The following XKR6 variants were observed in gnomAD, a reference collection of about 807,000 sequenced individuals.
XKR6 encodes the protein XK related 6.
XKR6 carries 22 observed loss-of-function variants against 56.7 expected under a neutral mutation model. The observed-to-expected ratio is 0.39, with a 90% CI of 0.28 to 0.55. The LOEUF (loss-of-function observed/expected upper bound fraction) is 0.55. Ranked by LOEUF, XKR6 falls within the 20% of genes least tolerant of loss-of-function variation. The probability of loss-of-function intolerance (pLI) is 0.66; values close to 1 mark genes in which losing one functional copy is unlikely to be tolerated. For synonymous variants in XKR6, 524 were observed against 387.8 expected (o/e 1.35, Z -4.13); for missense variants, 852 against 889.0 (o/e 0.96, Z 0.53).
chr8:10,927,550 G>A (rs1800927683), intron 1 of XKR6, among the ~76,000 whole-genome samples: 1 of 152,082 alleles, frequency 6.6e-6, no homozygotes, highest in Admixed American at 6.6e-5. Flanking sequence ...ATCCATCTGG[G>A]TCCCAGGTCA....
chr8:11,108,598 G>A, intron 1 of XKR6: 1 of 321,856 alleles, frequency 3.1e-6, no homozygotes, highest in Admixed American at 4.8e-5. Flanking sequence ...TGCTTCTGGG[G>A]CAGCCCTTTG....
chr8:10,923,461 C>A (rs1357012516), intron 2 of XKR6, among the ~76,000 whole-genome samples: 1 of 152,246 alleles, frequency 6.6e-6, no homozygotes, highest in Non-Finnish European at 1.5e-5. Flanking sequence ...CATCTGGGTT[C>A]ATAACCAGGT....
At chr8:11,192,804 G>A (rs1048171636) in intron 1 of XKR6, among the ~76,000 whole-genome samples, 1 of 152,084 alleles carries the variant, frequency 6.6e-6, no homozygotes, top group African/African-American at 2.4e-5. Context: ...ATGGCCCCGT[G>A]GGCTCTCCTA....
intron 1 of XKR6, among the ~76,000 whole-genome samples, chr8:11,147,108 TAATA>T (rs1554471889): frequency 2.6e-5 from 4 of 151,556 alleles, no homozygotes; most frequent in Admixed American, 1.3e-4. Flanking sequence ...ATAATAATAA[TAATA>T]AATAAATAAA....
At chr8:11,017,996 C>T (rs920228057) in intron 1 of XKR6, among the ~76,000 whole-genome samples, 1 of 152,132 alleles carries the variant, frequency 6.6e-6, no homozygotes, top group Admixed American at 6.5e-5. Context: ...TGTCCCCAGG[C>T]ACCTGAAATG....
intron 1 of XKR6, chr8:11,105,866 A>G (rs1466690249): frequency 2.0e-5 from 3 of 152,340 alleles, no homozygotes; most frequent in African/African-American, 7.2e-5. Context: ...ACAAACATAT[A>G]CAAGCAGCTT....
chr8:11,076,942 G>A (rs1379571852), intron 1 of XKR6, among the ~76,000 whole-genome samples: 2 of 152,232 alleles, frequency 1.3e-5, no homozygotes, highest in Admixed American at 6.5e-5. Flanking sequence ...TTTGGAGGCT[G>A]AGGCATGAGG....
intron 1 of XKR6, among the ~76,000 whole-genome samples, chr8:11,166,333 A>C (rs1403880861): frequency 6.6e-6 from 1 of 152,106 alleles, no homozygotes; most frequent in East Asian, 1.9e-4. Flanking sequence ...TGTGGCCTCA[A>C]GGTGTCATGA....
At chr8:11,174,350 T>C (rs140328016) in intron 1 of XKR6, among the ~76,000 whole-genome samples, 8 of 152,332 alleles carry the variant, frequency 5.3e-5, no homozygotes, top group Admixed American at 1.3e-4. Flanking sequence ...AAGTGTTTAT[T>C]GTACCTCCCT....
intron 1 of XKR6, among the ~76,000 whole-genome samples, chr8:11,088,233 T>C (rs1375036941): frequency 6.8e-6 from 1 of 146,264 alleles, no homozygotes; most frequent in African/African-American, 2.7e-5. Flanking sequence ...AGAGATATTG[T>C]TAAATATCTA....
At chr8:11,136,445 G>C (rs977630224) in intron 1 of XKR6, among the ~76,000 whole-genome samples, 5 of 151,752 alleles carry the variant, frequency 3.3e-5, no homozygotes, top group African/African-American at 7.3e-5. Flanking sequence ...CGGAGGTTGT[G>C]GTGAGCCAAG....
At chr8:11,000,809 A>G (rs1472944020) in intron 1 of XKR6, among the ~76,000 whole-genome samples, 4 of 152,198 alleles carry the variant, frequency 2.6e-5, no homozygotes, top group Admixed American at 2.6e-4. Context: ...CTGGATGTGA[A>G]GGGCCGGAAT....
chr8:11,077,870 G>T (rs1030338659), intron 1 of XKR6, among the ~76,000 whole-genome samples: 1 of 152,144 alleles, frequency 6.6e-6, no homozygotes, highest in Non-Finnish European at 1.5e-5. Context: ...CATCAGACCG[G>T]GGACCCAGGG....
At chr8:11,030,972 G>A (rs1798980301) in intron 1 of XKR6, among the ~76,000 whole-genome samples, 1 of 152,226 alleles carries the variant, frequency 6.6e-6, no homozygotes, top group Non-Finnish European at 1.5e-5. Context: ...GAGGCTCTGA[G>A]AAGTGGCACA....
intron 1 of XKR6, among the ~76,000 whole-genome samples, chr8:11,153,358 C>A (rs1265765077): frequency 6.6e-6 from 1 of 152,178 alleles, no homozygotes; most frequent in Non-Finnish European, 1.5e-5. Context: ...ACAGAACAAG[C>A]ATTTCTGAAA....
chr8:11,181,588 T>G (rs1802984389), intron 1 of XKR6, among the ~76,000 whole-genome samples: 1 of 152,218 alleles, frequency 6.6e-6, no homozygotes, highest in Admixed American at 6.5e-5. Context: ...AAGCAAGGTT[T>G]GTTTTGTATA....
intron 1 of XKR6, among the ~76,000 whole-genome samples, chr8:11,081,323 G>A (rs910505891): frequency 6.6e-6 from 1 of 152,136 alleles, no homozygotes; most frequent in Non-Finnish European, 1.5e-5. Flanking sequence ...TTCCTGCAGG[G>A]GTAGAATTAC....
chr8:11,198,306 T>A (rs533116572), intron 1 of XKR6, among the ~76,000 whole-genome samples: 14 of 152,118 alleles, frequency 9.2e-5, no homozygotes, highest in East Asian at 3.9e-4. Flanking sequence ...GGAAAAAAAA[T>A]TTTTTTAATA....
intron 1 of XKR6, among the ~76,000 whole-genome samples, chr8:11,140,004 T>A (rs1800606880): frequency 6.6e-6 from 1 of 151,306 alleles, no homozygotes; most frequent in Non-Finnish European, 1.5e-5. Context: ...AGCGGGCAAA[T>A]CTCTAGGAAG....
Sources: allele counts gnomAD v4.1 joint callset (sites outside exome capture counted in the v4.1 genomes callset), GRCh38; gene constraint gnomAD v4.1.1; transcripts MANE v1.5; gene names NCBI Gene and HGNC (gene_info 2026-07-23, HGNC 2026-07-21).